Variants in OTUD7A observed in about 807,000 individuals in gnomAD.
The protein encoded by OTUD7A is OTU domain-containing protein 7A.
In OTUD7A, 12 loss-of-function variants were observed where a neutral mutation model predicts 65.7. The ratio of observed to expected loss-of-function variants is 0.18; its 90% confidence interval spans 0.12 to 0.30. OTUD7A has a LOEUF of 0.30. OTUD7A is among the 10% of genes least tolerant of loss of function. OTUD7A has a pLI of 1.00. For synonymous variants in OTUD7A, 641 were observed against 586.3 expected (o/e 1.09, Z -1.35); for missense variants, 1,148 against 1,304.8 (o/e 0.88, Z 1.85).
chr15:31,672,476 G>A lies in OTUD7A; in HGVS notation c.-99-15399C>T, dbSNP rs140023623. Among the ~76,000 whole-genome samples, 1,026 of 152,290 alleles carry A rather than the reference G, an allele frequency of 6.7e-3. 10 individuals carry two copies. Among genetic ancestry groups the A allele is most frequent in the Non-Finnish European group, 6.6e-3 (447 of 68,034 alleles). ...AAGGAAAATAAATGTTACTTGCTGAGTGCCCACAATTACATTGATCGTGCT... is the reference window on the plus strand; with the variant it reads ...AAGGAAAATAAATGTTACTTGCTGAATGCCCACAATTACATTGATCGTGCT... On this transcript the variant is annotated intron_variant, in intron 1 of 12. Transcript: ENST00000307050.
chr15:31,865,411 T>C (rs1897852686), intron 1 of OTUD7A, among the ~76,000 whole-genome samples: 1 of 151,906 alleles, frequency 6.6e-6, no homozygotes, highest in Non-Finnish European at 1.5e-5. Flanking sequence ...TGATGTAAGG[T>C]GATCTGGGGA....
chr15:31,766,846 G>A (rs1895105406), intron 1 of OTUD7A: 20 of 1,611,350 alleles, frequency 1.2e-5, no homozygotes, highest in Middle Eastern at 1.7e-4. Flanking sequence ...TTCTATGTTC[G>A]GAAAAGATTG....
chr15:31,740,243 C>T (rs536619035), intron 1 of OTUD7A, among the ~76,000 whole-genome samples: 3 of 152,162 alleles, frequency 2.0e-5, no homozygotes, highest in African/African-American at 4.8e-5. Flanking sequence ...TGGGCAGGTG[C>T]GTCTGAGTGC....
chr15:31,600,025 C>G (rs1033535552), intron 3 of OTUD7A, among the ~76,000 whole-genome samples: 1 of 152,074 alleles, frequency 6.6e-6, no homozygotes, highest in Admixed American at 6.5e-5. Context: ...ACTGATATAC[C>G]TGAAAGTGAT....
At chr15:31,492,751 GA>G (rs1342113826) in intron 10 of OTUD7A, among the ~76,000 whole-genome samples, 1 of 151,882 alleles carries the variant, frequency 6.6e-6, no homozygotes, top group African/African-American at 2.4e-5. Context: ...GAAACAAAAG[GA>G]AAAAAGAACT....
chr15:31,498,740 T>A lies in OTUD7A; in HGVS notation c.1171+2950A>T, dbSNP rs1360889624. Among the ~76,000 whole-genome samples the A allele has an allele frequency of 1.3e-5, 2 of 152,142 alleles. No homozygotes were observed. Among genetic ancestry groups the A allele is most frequent in the African/African-American group, 4.8e-5 (2 of 41,420 alleles). ...GTCAGGGAGCAAATGACTAATGTCCTCCCCAGGAGAAAGCAGGTGACCATC... is the reference window on the plus strand; with the variant it reads ...GTCAGGGAGCAAATGACTAATGTCCACCCCAGGAGAAAGCAGGTGACCATC... On this transcript the variant is annotated intron_variant, in intron 10 of 12. Coordinates refer to ENST00000307050, the MANE Select transcript of OTUD7A (RefSeq NM_001382637.1). This position sits in a 1 kb window ranked among gnomAD's most constrained non-coding sequence, Gnocchi z 4.2.
At chr15:31,775,701 A>T (rs769567037) in intron 1 of OTUD7A, among the ~76,000 whole-genome samples, 9 of 152,186 alleles carry the variant, frequency 5.9e-5, no homozygotes, top group Non-Finnish European at 1.2e-4. Context: ...CTTGTAGTTT[A>T]AGGGGAAAAG....
At chr15:31,774,466 C>T (rs1437031211) in intron 1 of OTUD7A, among the ~76,000 whole-genome samples, 1 of 152,232 alleles carries the variant, frequency 6.6e-6, no homozygotes, top group Non-Finnish European at 1.5e-5. Context: ...GAAAGACCAG[C>T]CCAGAAGGAA....
chr15:31,641,709 A>C (rs1192440720), intron 3 of OTUD7A, among the ~76,000 whole-genome samples: 1 of 152,212 alleles, frequency 6.6e-6, no homozygotes. Context: ...TTAAAAAATA[A>C]TGCAATTATT....
chr15:31,807,449 A>G (rs776135572), intron 1 of OTUD7A, among the ~76,000 whole-genome samples: 2 of 152,192 alleles, frequency 1.3e-5, no homozygotes, highest in African/African-American at 2.4e-5. Flanking sequence ...TTAAACTCGT[A>G]CATGTTATTT....
chr15:31,695,134 C>T (rs58452090), intron 1 of OTUD7A, among the ~76,000 whole-genome samples: 7,032 of 152,194 alleles, frequency 0.046, 316 homozygotes, highest in African/African-American at 0.12. Flanking sequence ...CGTGAGCCAC[C>T]GCCCCGGCCA....
intron 1 of OTUD7A, among the ~76,000 whole-genome samples, chr15:31,727,884 T>C (rs1001509315): frequency 5.3e-5 from 8 of 152,192 alleles, no homozygotes; most frequent in Middle Eastern, 3.2e-3. Context: ...CTATCTGACA[T>C]GTAAATGACA....
intron 1 of OTUD7A, among the ~76,000 whole-genome samples, chr15:31,729,135 A>T (rs1248702256): frequency 6.6e-6 from 1 of 152,246 alleles, no homozygotes; most frequent in Non-Finnish European, 1.5e-5. Flanking sequence ...TATAAATTAA[A>T]CTTTATCATA....
chr15:31,687,349 T>C (rs983712413), intron 1 of OTUD7A, among the ~76,000 whole-genome samples: 2 of 152,200 alleles, frequency 1.3e-5, no homozygotes, highest in African/African-American at 4.8e-5. Context: ...ACACAGAGCG[T>C]GGGGCCTCTG....
intron 3 of OTUD7A, among the ~76,000 whole-genome samples, chr15:31,583,478 C>A (rs532738230): frequency 6.6e-6 from 1 of 152,020 alleles, no homozygotes; most frequent in African/African-American, 2.4e-5. Context: ...CCATAATTCC[C>A]GTACGTTGTA....
At chr15:31,826,444 T>C (rs549502744) in intron 1 of OTUD7A, among the ~76,000 whole-genome samples, 2 of 152,290 alleles carry the variant, frequency 1.3e-5, no homozygotes, top group African/African-American at 4.8e-5. Context: ...ACCAAGTCGC[T>C]AGGCTGGACA....
chr15:31,636,399 C>T (rs34936239), intron 3 of OTUD7A, among the ~76,000 whole-genome samples: 7,850 of 152,172 alleles, frequency 0.052, 406 homozygotes, highest in African/African-American at 0.14. Context: ...CCACACATAC[C>T]GATGAACTTA....
At chr15:31,736,747 G>A (rs988089839) in intron 1 of OTUD7A, among the ~76,000 whole-genome samples, 14 of 151,280 alleles carry the variant, frequency 9.3e-5, no homozygotes, top group African/African-American at 2.2e-4. Context: ...TAAAATAACC[G>A]TAAAAATATT....
At chr15:31,616,319 G>C (rs1890584374) in intron 3 of OTUD7A, among the ~76,000 whole-genome samples, 1 of 152,204 alleles carries the variant, frequency 6.6e-6, no homozygotes, top group South Asian at 2.1e-4. Context: ...CTCTTGCCTT[G>C]TCTGGTGTGT....
Sources: gnomAD v4.1 joint callset for allele counts (sites outside exome capture counted in the v4.1 genomes callset) on GRCh38, gnomAD v4.1.1 for gene constraint, Gnocchi (gnomAD v3.1) non-coding constraint, MANE v1.5 for transcripts, NCBI Gene and HGNC (gene_info 2026-07-23, HGNC 2026-07-21) for gene names.